Variants in CNTN4 observed in about 807,000 individuals in gnomAD.
The protein encoded by CNTN4 is contactin 4.
CNTN4 carries 77 observed loss-of-function variants against 122.5 expected under a neutral mutation model. The observed-to-expected ratio is 0.63, with a 90% CI of 0.52 to 0.76. The LOEUF (loss-of-function observed/expected upper bound fraction) is 0.76. Ranked by LOEUF, CNTN4 falls within the 30% of genes least tolerant of loss-of-function variation. CNTN4 has a pLI of 0.00. For synonymous variants in CNTN4, 512 were observed against 447.0 expected (o/e 1.15, Z -1.83); for missense variants, 1,256 against 1,259.1 (o/e 1.00, Z 0.04).
chr3:2,679,449 A>G (rs984985755), intron 4 of CNTN4, among the ~76,000 whole-genome samples: 1 of 152,046 alleles, frequency 6.6e-6, no homozygotes, highest in African/African-American at 2.4e-5. Context: ...GAACAAATGC[A>G]CTCTGGTCAT....
chr3:2,482,563 G>C (rs1390486519), intron 3 of CNTN4, among the ~76,000 whole-genome samples: 1 of 152,190 alleles, frequency 6.6e-6, no homozygotes, highest in African/African-American at 2.4e-5. Context: ...CTTCAGGACA[G>C]GCCCTCCCAT....
At chr3:2,213,851 T>C (rs549856519) in intron 2 of CNTN4, among the ~76,000 whole-genome samples, 15 of 152,312 alleles carry the variant, frequency 9.8e-5, no homozygotes, top group African/African-American at 3.4e-4. Flanking sequence ...TTTTCTTATA[T>C]TGCACACAAC....
intron 2 of CNTN4, among the ~76,000 whole-genome samples, chr3:2,336,068 T>C (rs570061151): frequency 6.6e-6 from 1 of 152,272 alleles, no homozygotes; most frequent in African/African-American, 2.4e-5. Flanking sequence ...ATAAATATTT[T>C]GTGATGAGTG....
rs534984862 is a variant in CNTN4, at chr3:2,337,098, T to A, written c.-144-2080T>A. The stretch of plus-strand genomic sequence containing the variant: ...GTTTCAGAGGCCTTCTTGGGGTCAG[T>A]CCCATATATTCCCCCTCACTCTTCT... On this transcript the variant is annotated intron_variant, in intron 2 of 24. Transcript: ENST00000418658. Among the ~76,000 whole-genome samples, 6 of 152,212 alleles carry A rather than the reference T, an allele frequency of 3.9e-5. No individual in the cohort carries two copies. In the East Asian group the frequency reaches 7.7e-4, roughly 20 times the overall value.
At chr3:2,340,670 A>C (rs1452783588) in intron 3 of CNTN4, among the ~76,000 whole-genome samples, 1 of 72,236 alleles carries the variant, frequency 1.4e-5, no homozygotes, top group African/African-American at 4.2e-5. Flanking sequence ...ACAGAGCAAG[A>C]CCTTGTCATA....
At chr3:2,506,150 G>C (rs1290948348) in intron 3 of CNTN4, among the ~76,000 whole-genome samples, 1 of 152,148 alleles carries the variant, frequency 6.6e-6, no homozygotes, top group African/African-American at 2.4e-5. Flanking sequence ...GATCTAAGGA[G>C]AGACACTTTC....
intron 6 of CNTN4, among the ~76,000 whole-genome samples, chr3:2,795,817 G>A (rs2092159094): frequency 6.6e-6 from 1 of 152,136 alleles, no homozygotes; most frequent in Admixed American, 6.5e-5. Context: ...ACCACGCCCA[G>A]CCACAAATGG....
chr3:2,320,145 G>T (rs547911757), intron 2 of CNTN4, among the ~76,000 whole-genome samples: 3 of 152,090 alleles, frequency 2.0e-5, no homozygotes, highest in Non-Finnish European at 4.4e-5. Context: ...GACTGAATTT[G>T]TTCTTAAGCA....
chr3:2,542,844 A>G (rs1246232920), intron 3 of CNTN4, among the ~76,000 whole-genome samples: 1 of 152,082 alleles, frequency 6.6e-6, no homozygotes, highest in Admixed American at 6.6e-5. Flanking sequence ...CAGTAAGGGG[A>G]CTGACTCAGT....
At chr3:2,564,847 G>T (rs1252093809) in intron 3 of CNTN4, among the ~76,000 whole-genome samples, 1 of 152,156 alleles carries the variant, frequency 6.6e-6, no homozygotes, top group Non-Finnish European at 1.5e-5. Context: ...AAATTTCAAT[G>T]AAAGACTTTT....
intron 2 of CNTN4, among the ~76,000 whole-genome samples, chr3:2,279,677 C>A (rs903101114): frequency 2.0e-5 from 3 of 151,340 alleles, no homozygotes; most frequent in Admixed American, 2.0e-4. Flanking sequence ...TTTTTGTAAC[C>A]CAAAATATGC....
chr3:2,863,868 C>G (rs541811770), intron 7 of CNTN4, among the ~76,000 whole-genome samples: 1 of 152,256 alleles, frequency 6.6e-6, no homozygotes, highest in East Asian at 1.9e-4. Flanking sequence ...TCATGTAACC[C>G]TTTGAGTTTT....
At chr3:2,531,440 C>G (rs1186736006) in intron 3 of CNTN4, among the ~76,000 whole-genome samples, 1 of 152,194 alleles carries the variant, frequency 6.6e-6, no homozygotes, top group Non-Finnish European at 1.5e-5. Context: ...TCTCCATTGT[C>G]TCTCTATGCC....
rs2039780450 is a variant in CNTN4, at chr3:2,238,735, G to GTTTTTTTGTTTTTTTTTT, written c.-144-100436_-144-100435insGTTTTTTTTTTTTTTTTT. The GTTTTTTTGTTTTTTTTTT allele has an allele frequency of 3.8e-5, 3 of 78,868 alleles. 1 individual carries two copies. The highest frequency in any genetic ancestry group is 1.3e-4 in the Admixed American group (1 of 7,656). The allele number at this position is 78,868 out of a possible 1,614,324, so 4.9% of individuals were successfully genotyped here. The stretch of plus-strand genomic sequence containing the variant: ...ATTTTTAATTATCAGTTGGCTCTGT[G>GTTTTTTTGTTTTTTTTTT]TTTTTTTTTTGAGACGGAGTCTGGC... On this transcript the variant is annotated intron_variant, in intron 2 of 24. Coordinates refer to ENST00000418658, the MANE Select transcript of CNTN4 (RefSeq NM_175607.3).
At chr3:2,257,481 C>T (rs2040644688) in intron 2 of CNTN4, among the ~76,000 whole-genome samples, 1 of 152,100 alleles carries the variant, frequency 6.6e-6, no homozygotes, top group African/African-American at 2.4e-5. Flanking sequence ...GCAAAAGAAA[C>T]TATCATCAGA....
intron 3 of CNTN4, among the ~76,000 whole-genome samples, chr3:2,409,104 G>A (rs1032291688): frequency 6.6e-6 from 1 of 151,936 alleles, no homozygotes; most frequent in South Asian, 2.1e-4. Context: ...AATTAAAGAG[G>A]AACAAAATTA....
chr3:2,887,153 C>A lies in CNTN4; in HGVS notation c.869C>A (p.Ala290Asp), dbSNP rs764889646. 2.5e-6 allele frequency: 4 copies of A among 1,614,052 alleles called. No homozygotes were observed. Among genetic ancestry groups the A allele is most frequent in the Non-Finnish European group, 3.4e-6 (4 of 1,179,986 alleles). The change falls in exon 10 of 25, where the codon GCT (alanine) becomes GAT (aspartate). Residue 290 changes from alanine (A) to aspartate (D), a missense_variant. Ala to Asp is a moderately radical substitution (Grantham distance 126). Transcript: ENST00000418658. ...ATCCCTAATTTTCAGCAGGAGGATG[C>A]TGGTTTATATGAATGTGTAGCTGAA... ...LEIPNFQQED[A>D]GLYECVAENS...
intron 6 of CNTN4, among the ~76,000 whole-genome samples, chr3:2,816,077 G>A (rs527754389): frequency 4.6e-5 from 7 of 152,146 alleles, no homozygotes; most frequent in East Asian, 3.9e-4. Flanking sequence ...CAATGAGGCC[G>A]GATACAGTGG....
intron 2 of CNTN4, among the ~76,000 whole-genome samples, chr3:2,113,444 A>G (rs747483243): frequency 6.6e-6 from 1 of 152,082 alleles, no homozygotes; most frequent in Non-Finnish European, 1.5e-5. Flanking sequence ...AAATGCAGAA[A>G]TTTTTTCCTC....
Sources: gnomAD v4.1 joint callset for allele counts (sites outside exome capture counted in the v4.1 genomes callset) on GRCh38, gnomAD v4.1.1 for gene constraint, MANE v1.5 for transcripts, NCBI Gene and HGNC (gene_info 2026-07-23, HGNC 2026-07-21) for gene names.